Variants in ZNRF1 observed in about 807,000 individuals in gnomAD.
ZNRF1 encodes zinc and ring finger 1, also known as E3 ubiquitin-protein ligase ZNRF1.
ZNRF1 carries 3 observed loss-of-function variants against 18.4 expected under a neutral mutation model. The observed-to-expected ratio is 0.16, with a 90% CI of 0.07 to 0.42. The LOEUF is 0.42. ZNRF1 is among the 10% of genes least tolerant of loss of function. ZNRF1 has a pLI of 0.99. For synonymous variants in ZNRF1, 157 were observed against 144.2 expected, an observed-to-expected ratio of 1.09 and a Z score of -0.64; for missense variants, 310 against 329.8, an observed-to-expected ratio of 0.94 and a Z score of 0.47.
intron 1 of ZNRF1, among the ~76,000 whole-genome samples, chr16:75,051,562 G>C (rs2035606079): frequency 6.6e-6 from 1 of 150,574 alleles, no homozygotes; most frequent in Admixed American, 6.6e-5. Context: ...GTGTCTCCCA[G>C]GCTAGAGTGC....
At chr16:75,027,547 T>C (rs1021732547) in intron 1 of ZNRF1, among the ~76,000 whole-genome samples, 8 of 152,166 alleles carry the variant, frequency 5.3e-5, no homozygotes, top group African/African-American at 1.4e-4. Flanking sequence ...CTACAGCCCA[T>C]TGAACCTATT....
intron 1 of ZNRF1, among the ~76,000 whole-genome samples, chr16:75,042,121 A>G (rs1276879092): frequency 6.6e-6 from 1 of 152,218 alleles, no homozygotes; most frequent in African/African-American, 2.4e-5. Context: ...AGTGAGTTGT[A>G]AGAGTTTATG....
chr16:75,077,659 G>T (rs1188153540), intron 1 of ZNRF1, among the ~76,000 whole-genome samples: 7 of 152,144 alleles, frequency 4.6e-5, no homozygotes, highest in Admixed American at 4.6e-4. Context: ...GTATTTTCTT[G>T]CATTTTTGGA....
At chr16:75,103,818 C>T (rs1190953659) in intron 2 of ZNRF1, among the ~76,000 whole-genome samples, 1 of 152,116 alleles carries the variant, frequency 6.6e-6, no homozygotes, top group Admixed American at 6.5e-5. Flanking sequence ...AACCCCGTCT[C>T]TACTAAAAAT....
At chr16:75,014,812 A>T (rs2035046350) in intron 1 of ZNRF1, among the ~76,000 whole-genome samples, 1 of 152,042 alleles carries the variant, frequency 6.6e-6, no homozygotes, top group African/African-American at 2.4e-5. Context: ...ATATTGTCAT[A>T]CCTTAATTTT....
intron 2 of ZNRF1, 118 bp from the exon 3 acceptor site, chr16:75,104,666 G>A: frequency 1.2e-6 from 1 of 803,362 alleles, no homozygotes; most frequent in Non-Finnish European, 2.0e-6. Flanking sequence ...GTCCCCTGCA[G>A]AGCCGGGCAC....
chr16:75,020,449 A>G (rs900687305), intron 1 of ZNRF1, among the ~76,000 whole-genome samples: 4 of 152,108 alleles, frequency 2.6e-5, no homozygotes, highest in African/African-American at 9.7e-5. Context: ...TAATTTATTT[A>G]ATATCATTAA....
At chr16:75,093,858 A>G (rs1387000384) in intron 2 of ZNRF1, among the ~76,000 whole-genome samples, 191 bp downstream of exon 2, 1 of 152,114 alleles carries the variant, frequency 6.6e-6, no homozygotes, top group African/African-American at 2.4e-5. Flanking sequence ...GAGGAAGAGG[A>G]GTGGGACAAG....
intron 1 of ZNRF1, among the ~76,000 whole-genome samples, chr16:75,007,889 A>T (rs903747295): frequency 6.6e-6 from 1 of 151,904 alleles, no homozygotes; most frequent in African/African-American, 2.4e-5. Flanking sequence ...CTTTAGAGAA[A>T]GGTTTTTCTT....
chr16:75,016,541 A>G (rs34206863), intron 1 of ZNRF1, among the ~76,000 whole-genome samples: 66,317 of 144,858 alleles, frequency 0.46, 16,077 homozygotes, highest in Middle Eastern at 0.61. Context: ...CACCCAGCCT[A>G]TTTTTATTTT....
rs1299103685 is a variant in ZNRF1, at chr16:75,110,458, C to G, written c.*2758C>G. ...AAAGACCAACCATTCCTCTAATAGC[C>G]ATTTAACGGTACTGCAGTTCATGGG... On this transcript the variant is annotated 3_prime_UTR_variant, in exon 5 of 5. Coordinates refer to ENST00000335325, the MANE Select transcript of ZNRF1 (RefSeq NM_032268.5). 3.3e-5 allele frequency: 5 copies of G among 152,248 alleles called. No individual in the cohort carries two copies. The highest frequency in any genetic ancestry group is 2.9e-5 in the Non-Finnish European group (2 of 68,060). The allele number at this position is 152,248 out of a possible 1,614,324, so 9.4% of individuals were successfully genotyped here.
intron 1 of ZNRF1, among the ~76,000 whole-genome samples, chr16:75,088,600 TAGTC>T (rs1261888989): frequency 6.6e-6 from 1 of 152,210 alleles, no homozygotes; most frequent in Non-Finnish European, 1.5e-5. Flanking sequence ...TCTTCTGTGC[TAGTC>T]AGTCAGTAGC....
intron 2 of ZNRF1, among the ~76,000 whole-genome samples, chr16:75,099,414 A>G (rs778722609): frequency 1.3e-5 from 2 of 151,958 alleles, no homozygotes; most frequent in Non-Finnish European, 2.9e-5. Context: ...CACAGGCATC[A>G]TCCCTCCCTC....
intron 1 of ZNRF1, among the ~76,000 whole-genome samples, chr16:75,031,356 T>C (rs1597868741): frequency 6.7e-6 from 1 of 150,326 alleles, no homozygotes. Flanking sequence ...GGTCTCTATC[T>C]CCCGACCTCG....
intron 1 of ZNRF1, among the ~76,000 whole-genome samples, chr16:75,050,644 G>A (rs1431039115): frequency 4.6e-5 from 7 of 151,818 alleles, no homozygotes; most frequent in South Asian, 2.1e-4. Flanking sequence ...CAAGGCGGGC[G>A]GATCACGAGG....
At chr16:75,040,478 A>G (rs2035429998) in intron 1 of ZNRF1, among the ~76,000 whole-genome samples, 1 of 151,938 alleles carries the variant, frequency 6.6e-6, no homozygotes, top group Non-Finnish European at 1.5e-5. Flanking sequence ...CCCACCGGGC[A>G]ACTGCTATCT....
intron 1 of ZNRF1, among the ~76,000 whole-genome samples, chr16:75,012,143 C>T (rs1233814450): frequency 2.0e-5 from 3 of 152,180 alleles, no homozygotes; most frequent in Non-Finnish European, 4.4e-5. Context: ...CATATCAGAA[C>T]GCTGGTGCTT....
chr16:75,097,969 C>G (rs1008918243), intron 2 of ZNRF1, among the ~76,000 whole-genome samples: 1 of 152,240 alleles, frequency 6.6e-6, no homozygotes, highest in Admixed American at 6.5e-5. Flanking sequence ...AAGCACCCTA[C>G]CCTTTCCCTG....
At chr16:75,015,367 G>A (rs186177633) in intron 1 of ZNRF1, among the ~76,000 whole-genome samples, 1 of 152,270 alleles carries the variant, frequency 6.6e-6, no homozygotes, top group Admixed American at 6.5e-5. Flanking sequence ...GGAGGCCGAG[G>A]CGGTTCGAGA....
Sources: allele counts gnomAD v4.1 joint callset (sites outside exome capture counted in the v4.1 genomes callset), GRCh38; gene constraint gnomAD v4.1.1; transcripts MANE v1.5; gene names NCBI Gene and HGNC (gene_info 2026-07-23, HGNC 2026-07-21).